SEZ6: variants seen among roughly 807,000 people sequenced by gnomAD.
SEZ6 encodes seizure related 6 homolog.
In SEZ6, 53 loss-of-function variants were observed where a neutral mutation model predicts 101.0. That is an observed-to-expected ratio of 0.52 (90% CI 0.42 to 0.66). SEZ6 has a LOEUF of 0.66. Ranked by LOEUF, SEZ6 falls within the 30% of genes least tolerant of loss-of-function variation. SEZ6 has a pLI of 0.00. For synonymous variants in SEZ6, 488 were observed against 512.2 expected (o/e 0.95, Z 0.64); for missense variants, 1,102 against 1,289.4 (o/e 0.85, Z 2.23).
intron 1 of SEZ6, among the ~76,000 whole-genome samples, chr17:28,994,912 C>T (rs371895501): frequency 2.0e-5 from 3 of 151,906 alleles, no homozygotes; most frequent in East Asian, 1.9e-4. Flanking sequence ...CTCACTCTGT[C>T]GCCTAGGCTG....
intron 1 of SEZ6, among the ~76,000 whole-genome samples, chr17:28,998,404 G>A (rs1467983730): frequency 6.6e-6 from 1 of 151,576 alleles, no homozygotes; most frequent in South Asian, 2.1e-4. Flanking sequence ...CAAGGTTCTG[G>A]CTGGGCCCTG....
intron 14 of SEZ6, 88 bp downstream of exon 14, chr17:28,956,631 C>G (rs1292403681): frequency 7.8e-6 from 12 of 1,532,482 alleles, no homozygotes; most frequent in Non-Finnish European, 1.1e-5. Flanking sequence ...CTTTCTCTGC[C>G]CTCCCTCCTT....
chr17:28,959,278 CAAG>C lies in SEZ6; in HGVS notation c.1910+53_1910+55del. The C allele has an allele frequency of 2.5e-6, 4 of 1,613,610 alleles. No homozygotes were observed. The South Asian group carries it at 3.3e-5, about 13-fold the overall frequency. On this transcript the variant is annotated intron_variant, in intron 9 of 16. Coordinates refer to ENST00000317338, the MANE Select transcript of SEZ6 (RefSeq NM_178860.5). The surrounding 1 kb of genome is among the most constrained non-coding windows in gnomAD (Gnocchi z 4.4). ...CCTGGGGGCCCGAGGATGGGCTGGACAAGGGATATCCCCAGACCTCAGGAGTTG... is the reference window on the plus strand; with the variant it reads ...CCTGGGGGCCCGAGGATGGGCTGGACGGATATCCCCAGACCTCAGGAGTTG...
rs1161075504 is a variant in SEZ6 at position 28,956,195 on chromosome 17, T to C, written c.2916A>G (p.Ile972Met). ...PRPRPYNRIT[I>M]ESAFDNPTYE... ...AAGTTGGATTGTCAAACGCTGACTC[T>C]ATGGTAATGCGGTTGTAGGGGCGGG... The change falls in exon 16 of 17, where the codon ATA (isoleucine) becomes ATG (methionine). Residue 972 changes from isoleucine (I) to methionine (M), a missense_variant. Around this residue, in one of 3 missense-constraint regions of SEZ6, gnomAD observed 140 missense variants for 135.7 expected, o/e 1.03. Transcript: ENST00000317338. 1.8e-5 allele frequency: 16 copies of C among 867,742 alleles called. No individual in the cohort carries two copies. Among genetic ancestry groups the C allele is most frequent in the Non-Finnish European group, 2.4e-5 (14 of 593,138 alleles). The allele number at this position is 867,742 out of a possible 1,614,324, so 53.8% of individuals were successfully genotyped here. A position where few individuals can be genotyped will look rare whatever the true frequency, so the allele number is the denominator to read the frequency against.
At chr17:28,985,161 G>A (rs928596307) in intron 1 of SEZ6, among the ~76,000 whole-genome samples, 1 of 152,232 alleles carries the variant, frequency 6.6e-6, no homozygotes. Context: ...CTGCCTCATG[G>A]GAGGGGCAGA....
In SEZ6 at chr17:28,958,031, G is replaced by C; in HGVS notation, c.2218C>G (p.Pro740Ala). The C allele has an allele frequency of 6.2e-7, 1 of 1,613,922 alleles. No individual in the cohort carries two copies. Among genetic ancestry groups the C allele is most frequent in the Non-Finnish European group, 8.5e-7 (1 of 1,179,828 alleles). Residue 740 changes from proline (P) to alanine (A), a missense_variant, in exon 11 of 17, where the codon CCT (proline) becomes GCT (alanine). This residue lies in a region of SEZ6 where 556 missense variants were observed against 735.1 expected (regional missense o/e 0.76). Coordinates refer to ENST00000317338, the MANE Select transcript of SEZ6 (RefSeq NM_178860.5). ...CTGGATCCCACTACCTGGTAGCCAG[G>C]GTAGCACTGGTAAGTGACCACGGTG... Reference protein sequence around the residue: ...HGTVVTYQCYPGYQVVGSSVL... With the variant: ...HGTVVTYQCYAGYQVVGSSVL...
At chr17:28,996,011 T>C (rs1319234258) in intron 1 of SEZ6, among the ~76,000 whole-genome samples, 3 of 143,722 alleles carry the variant, frequency 2.1e-5, no homozygotes, top group East Asian at 2.0e-4. Context: ...CCTTATTTCC[T>C]TTTTTTTTTT....
At chr17:28,976,171 C>G (rs1181554670) in intron 3 of SEZ6, among the ~76,000 whole-genome samples, 2 of 152,212 alleles carry the variant, frequency 1.3e-5, no homozygotes. Flanking sequence ...CAGAGGGCAT[C>G]AATAACTGCA....
intron 1 of SEZ6, among the ~76,000 whole-genome samples, chr17:29,003,622 CG>C: frequency 6.6e-6 from 1 of 152,208 alleles, no homozygotes; most frequent in East Asian, 1.9e-4. Flanking sequence ...CCAGGAACCC[CG>C]GGATGGCCAA....
chr17:29,004,832 G>A (rs1252932058), intron 1 of SEZ6, among the ~76,000 whole-genome samples: 1 of 152,182 alleles, frequency 6.6e-6, no homozygotes, highest in African/African-American at 2.4e-5. Context: ...GGCAGGTCCA[G>A]ACAAGACTCT....
rs760104376 is a variant in SEZ6, at chr17:28,981,462, G to A, written c.633C>T (p.Thr211=). ...CTCCTGAAGCTGTGGAGGAGGTGAT[G>A]GTCCCCTGGATCCCGATCCCTGCGC... ...SQGAGIGIQG[T]ITSSTASGDD... Residue 211 remains threonine, a synonymous_variant, in exon 2 of 17, where the codon ACC becomes ACT. Coordinates refer to ENST00000317338, the MANE Select transcript of SEZ6 (RefSeq NM_178860.5). The A allele has an allele frequency of 6.4e-7, 1 of 1,570,702 alleles. No homozygotes were observed. Among genetic ancestry groups the A allele is most frequent in the African/African-American group, 1.4e-5 (1 of 73,982 alleles).
In SEZ6 at chr17:28,959,501, C is replaced by G. The variant is rs759318883; in HGVS notation, c.1772-29G>C. 8.1e-6 allele frequency: 13 copies of G among 1,605,356 alleles called. No individual in the cohort carries two copies. The highest frequency in any genetic ancestry group is 7.7e-5 in the South Asian group (7 of 90,994). On this transcript the variant is annotated intron_variant, in intron 8 of 16. Transcript: ENST00000317338. This position sits in a 1 kb window ranked among gnomAD's most constrained non-coding sequence, Gnocchi z 4.4. ...GAAGGCAGAGGAGGCCCAGAAGGGT[C>G]TTTTCAAGCTTACCATGGTGTTGCT...
chr17:28,966,356 G>A (rs1051365707), intron 4 of SEZ6, among the ~76,000 whole-genome samples: 9 of 151,268 alleles, frequency 5.9e-5, no homozygotes, highest in Admixed American at 2.6e-4. Flanking sequence ...GGTGGCACGC[G>A]CCTGTAGTCC....
At position 29,005,923 on chromosome 17, in the gene SEZ6, C is replaced by T; in HGVS notation, c.-54G>A. 1 of 1,335,110 alleles carries T rather than the reference C, an allele frequency of 7.5e-7. No individual in the cohort carries two copies. The highest frequency in any genetic ancestry group is 1.6e-5 in the South Asian group (1 of 64,470). 82.7% of individuals were successfully genotyped at this position (1,335,110 alleles called of 1,614,324 possible). A position where few individuals can be genotyped will look rare whatever the true frequency, so the allele number is the denominator to read the frequency against. Reference sequence around the variant, plus strand: ...GGGACCGCGGCGGGAGGGCGGGGGGCTTGGTGGGGCTTGGGCGCGGGGGCA... The same window carrying T: ...GGGACCGCGGCGGGAGGGCGGGGGGTTTGGTGGGGCTTGGGCGCGGGGGCA... On this transcript the variant is annotated 5_prime_UTR_variant, in exon 1 of 17. Coordinates refer to ENST00000317338, the MANE Select transcript of SEZ6 (RefSeq NM_178860.5). This position sits in a 1 kb window ranked among gnomAD's most constrained non-coding sequence, Gnocchi z 4.8.
chr17:28,984,214 GA>G (rs1375310220), intron 1 of SEZ6, among the ~76,000 whole-genome samples: 1 of 152,178 alleles, frequency 6.6e-6, no homozygotes, highest in East Asian at 1.9e-4. Context: ...ATAAGTTACG[GA>G]AGGTCCAGGC....
chr17:28,995,089 G>A (rs1015244579), intron 1 of SEZ6, among the ~76,000 whole-genome samples: 12 of 151,812 alleles, frequency 7.9e-5, no homozygotes, highest in Admixed American at 7.9e-4. Context: ...TAGCCAGGAT[G>A]GTCTCGATCT....
chr17:28,996,967 C>A (rs549844649), intron 1 of SEZ6, among the ~76,000 whole-genome samples: 2 of 152,216 alleles, frequency 1.3e-5, no homozygotes, highest in Non-Finnish European at 1.5e-5. Context: ...CAAGGGTCAC[C>A]GGAGGCAGCA....
chr17:28,990,482 C>T (rs911075282), intron 1 of SEZ6, among the ~76,000 whole-genome samples: 1 of 152,116 alleles, frequency 6.6e-6, no homozygotes, highest in Non-Finnish European at 1.5e-5. Context: ...CCAGGCTGGT[C>T]TAGAACTCCT....
chr17:28,982,104 C>T (rs2041316426), intron 1 of SEZ6, 65 bp from the exon 2 acceptor site: 6 of 1,491,110 alleles, frequency 4.0e-6, no homozygotes, highest in African/African-American at 2.8e-5. Context: ...ACGCCCAACT[C>T]GAGTAGTGGG....
Sources: allele counts gnomAD v4.1 joint callset (sites outside exome capture counted in the v4.1 genomes callset), GRCh38; gene constraint gnomAD v4.1.1; regional missense constraint gnomAD v4.1.1; non-coding constraint Gnocchi (gnomAD v3.1); transcripts MANE v1.5; gene names NCBI Gene and HGNC (gene_info 2026-07-23, HGNC 2026-07-21).